EPB41L4A: variants seen among roughly 807,000 people sequenced by gnomAD.
EPB41L4A encodes erythrocyte membrane protein band 4.1 like 4A.
EPB41L4A carries 100 observed loss-of-function variants against 108.6 expected under a neutral mutation model. The ratio of observed to expected loss-of-function variants is 0.92; its 90% CI spans 0.78 to 1.09. EPB41L4A has a LOEUF of 1.09. Among genes scored for constraint, EPB41L4A ranks in the 50% least tolerant of loss-of-function variants. The pLI, the probability that EPB41L4A is intolerant of heterozygous loss-of-function variation, is 0.00. For synonymous variants in EPB41L4A, 319 were observed against 289.0 expected, an observed-to-expected ratio of 1.10 and a Z score of -1.05; for missense variants, 1,030 against 842.7, an observed-to-expected ratio of 1.22 and a Z score of -2.75.
At position 112,195,645 on chromosome 5, in the gene EPB41L4A, A is replaced by T; in HGVS notation, c.1424+16T>A. On this transcript the variant is annotated intron_variant, in intron 16 of 22. Transcript: ENST00000261486. ...CCTTCTTCCCTCTGACTGTCCTTCC[A>T]TTTTTGTTTTTTTACCTCCTCCTTT... 6.2e-7 allele frequency: 1 copy of T among 1,604,672 alleles called. No individual in the cohort carries two copies. The highest frequency in any genetic ancestry group is 1.3e-5 in the African/African-American group (1 of 74,764).
At chr5:112,414,964 C>A (rs570383992) in intron 1 of EPB41L4A, among the ~76,000 whole-genome samples, 2 of 152,130 alleles carry the variant, frequency 1.3e-5, no homozygotes, top group Admixed American at 6.5e-5. Context: ...CTTCTACCTA[C>A]GTTTATATGG....
intron 1 of EPB41L4A, among the ~76,000 whole-genome samples, chr5:112,394,986 A>C (rs570828318): frequency 0.012 from 1,779 of 151,812 alleles, 32 homozygotes; most frequent in African/African-American, 0.04. Context: ...CAAAAACAAG[A>C]AATGGGGAAA....
chr5:112,314,824 T>C (rs1755327897), intron 1 of EPB41L4A, among the ~76,000 whole-genome samples: 1 of 151,996 alleles, frequency 6.6e-6, no homozygotes, highest in Non-Finnish European at 1.5e-5. Flanking sequence ...GCAAATGATA[T>C]TAATGCCATT....
rs556957160 is a variant in EPB41L4A at position 112,202,191 on chromosome 5, T to C, written c.1376+2184A>G. Among the ~76,000 whole-genome samples, 3 of 152,216 alleles carry C rather than the reference T, an allele frequency of 2.0e-5. No homozygotes were observed. In the South Asian group the frequency reaches 6.2e-4, roughly 32 times the overall value. The stretch of plus-strand genomic sequence containing the variant: ...GGGGTTCTTTGTTCGGCTACAGTGG[T>C]GGTATCTCCAGCAGTGTCAGCAAGA... On this transcript the variant is annotated intron_variant, in intron 15 of 22. Coordinates refer to ENST00000261486, the MANE Select transcript of EPB41L4A (RefSeq NM_022140.5).
intron 12 of EPB41L4A, among the ~76,000 whole-genome samples, chr5:112,154,199 G>A (rs1007961180): frequency 2.6e-5 from 4 of 152,038 alleles, no homozygotes; most frequent in African/African-American, 9.7e-5. Context: ...CCACTACTGC[G>A]GCATTAGAGA....
rs959892240 is a variant in EPB41L4A at position 112,165,007 on chromosome 5, G to A, written c.2044C>T (p.Leu682Phe). ...KTIKTIQASR[L>F]KTET ...CATCAGGATCAAGTCTCTGTCTTGA[G>A]GCGGGAAGCTTGTATAGTTTTTATT... The change falls in exon 23 of 23, where the codon CTC becomes TTC. Residue 682 changes from leucine to phenylalanine, a missense_variant. Physicochemically the swap from Leu to Phe is conservative, Grantham distance 22. Transcript: ENST00000261486. The A allele has an allele frequency of 2.5e-6, 4 of 1,613,810 alleles. No homozygotes were observed. Among genetic ancestry groups the A allele is most frequent in the Middle Eastern group, 3.3e-4 (2 of 6,060 alleles).
intron 9 of EPB41L4A, among the ~76,000 whole-genome samples, chr5:112,258,801 A>G (rs972407623): frequency 5.9e-5 from 9 of 152,146 alleles, no homozygotes; most frequent in African/African-American, 2.2e-4. Flanking sequence ...ATCACACTCA[A>G]TGAGGAAAAG....
At chr5:112,261,555 T>A (rs1195198463) in intron 7 of EPB41L4A, among the ~76,000 whole-genome samples, 1 of 152,198 alleles carries the variant, frequency 6.6e-6, no homozygotes, top group Non-Finnish European at 1.5e-5. Flanking sequence ...TGACATAGAA[T>A]AATCAATTGG....
intron 12 of EPB41L4A, among the ~76,000 whole-genome samples, chr5:112,211,552 C>A (rs1376106606): frequency 2.0e-5 from 3 of 150,336 alleles, no homozygotes; most frequent in African/African-American, 7.4e-5. Context: ...TGCGCCACTA[C>A]ACTCCAGCCC....
chr5:112,366,339 A>G (rs943174241), intron 1 of EPB41L4A, among the ~76,000 whole-genome samples: 1 of 152,068 alleles, frequency 6.6e-6, no homozygotes, highest in Non-Finnish European at 1.5e-5. Context: ...GTCAGGTCCC[A>G]GGAGGAAACA....
intron 1 of EPB41L4A, among the ~76,000 whole-genome samples, chr5:112,350,919 TC>T (rs1758000406): frequency 6.6e-6 from 1 of 152,224 alleles, no homozygotes; most frequent in Non-Finnish European, 1.5e-5. Flanking sequence ...TGTGACTAAT[TC>T]AGCGCTGCAA....
Position 112,280,305 on chromosome 5 carries a change from T to C in EPB41L4A, c.223A>G (p.Lys75Glu), listed in dbSNP as rs1183604623. The C allele has an allele frequency of 1.9e-6, 3 of 1,614,112 alleles. No homozygotes were observed. Among genetic ancestry groups the C allele is most frequent in the Non-Finnish European group, 1.7e-6 (2 of 1,179,956 alleles). Residue 75 changes from lysine (K) to glutamate (E), a missense_variant, in exon 3 of 23, where the codon AAA (lysine) becomes GAA (glutamate). Physicochemically the swap from Lys to Glu is moderately conservative, Grantham distance 56. Coordinates refer to ENST00000261486, the MANE Select transcript of EPB41L4A (RefSeq NM_022140.5). ...AGTTCTTTGTGTTCAGCAAGGGTTT[T>C]TGCAGGATCCAGCCAATACTGTGTG... The part of the protein sequence containing the change: ...SHQTYWLDPA[K>E]TLAEHKELIN...
At chr5:112,263,047 T>C (rs773037319) in intron 6 of EPB41L4A, among the ~76,000 whole-genome samples, 13 of 152,214 alleles carry the variant, frequency 8.5e-5, no homozygotes, top group South Asian at 2.1e-4. Flanking sequence ...CCTGACCACA[T>C]GTGTAGTTTG....
At chr5:112,300,716 T>C (rs1165657396) in intron 2 of EPB41L4A, among the ~76,000 whole-genome samples, 2 of 152,228 alleles carry the variant, frequency 1.3e-5, no homozygotes, top group Non-Finnish European at 2.9e-5. Flanking sequence ...GAAGCTGTAC[T>C]AGATTATTCC....
intron 1 of EPB41L4A, among the ~76,000 whole-genome samples, chr5:112,395,898 A>G (rs1761303363): frequency 6.6e-6 from 1 of 152,246 alleles, no homozygotes. Flanking sequence ...ATTATACACC[A>G]TGCAATACTA....
chr5:112,378,895 C>T (rs1048634195), intron 1 of EPB41L4A, among the ~76,000 whole-genome samples: 8 of 152,146 alleles, frequency 5.3e-5, no homozygotes, highest in African/African-American at 1.9e-4. Context: ...AGTTCTAACC[C>T]ACACTATTTT....
intron 15 of EPB41L4A, among the ~76,000 whole-genome samples, chr5:112,204,088 T>A (rs1235497711): frequency 1.3e-5 from 2 of 150,432 alleles, no homozygotes; most frequent in Non-Finnish European, 3.0e-5. Context: ...CTATATATAA[T>A]ACATATTTTT....
At chr5:112,329,606 C>T (rs1187552569) in intron 1 of EPB41L4A, among the ~76,000 whole-genome samples, 1 of 152,166 alleles carries the variant, frequency 6.6e-6, no homozygotes, top group Non-Finnish European at 1.5e-5. Flanking sequence ...TCCTGCCTTC[C>T]GGTTCATGGC....
intron 1 of EPB41L4A, among the ~76,000 whole-genome samples, chr5:112,407,536 C>T (rs1279304593): frequency 6.6e-6 from 1 of 152,142 alleles, no homozygotes; most frequent in Admixed American, 6.5e-5. Flanking sequence ...CTAAAACCTG[C>T]TAAATATGTT....
Sources: gnomAD v4.1 joint callset for allele counts (sites outside exome capture counted in the v4.1 genomes callset) on GRCh38, gnomAD v4.1.1 for gene constraint, MANE v1.5 for transcripts, NCBI Gene and HGNC (gene_info 2026-07-23, HGNC 2026-07-21) for gene names.